The following TIMP2 variants were observed in gnomAD, a reference collection of about 807,000 sequenced individuals.
TIMP2 encodes metalloproteinase inhibitor 2.
In TIMP2, 5 loss-of-function variants were observed where a neutral mutation model predicts 24.3. That is an observed-to-expected ratio of 0.21 (90% confidence interval 0.11 to 0.43). The LOEUF (loss-of-function observed/expected upper bound fraction) is 0.43, where lower values mean the gene tolerates loss of function less well. TIMP2 is among the 20% of genes least tolerant of loss of function. TIMP2 has a pLI of 1.00. For missense variants in TIMP2, 221 were observed against 297.5 expected, an observed-to-expected ratio of 0.74 and a Z score of 1.89; for synonymous variants, 130 against 123.2, an observed-to-expected ratio of 1.06 and a Z score of -0.37.
At chr17:78,875,096 T>G (rs1168009251) in intron 1 of TIMP2, among the ~76,000 whole-genome samples, 1 of 152,140 alleles carries the variant, frequency 6.6e-6, no homozygotes, top group Non-Finnish European at 1.5e-5. Flanking sequence ...CAGGCTGTTC[T>G]CGAACTCCTG....
At chr17:78,912,833 AT>A (rs2070221152) in intron 1 of TIMP2, among the ~76,000 whole-genome samples, 7 of 152,190 alleles carry the variant, frequency 4.6e-5, no homozygotes, top group Admixed American at 3.3e-4. Flanking sequence ...GATCACCGCC[AT>A]TCAACTCTGT....
At chr17:78,907,225 G>C (rs2070167967) in intron 1 of TIMP2, among the ~76,000 whole-genome samples, 1 of 151,274 alleles carries the variant, frequency 6.6e-6, no homozygotes, top group African/African-American at 2.4e-5. Flanking sequence ...TGTGGAGATG[G>C]GGTCTTGTCG....
intron 1 of TIMP2, among the ~76,000 whole-genome samples, chr17:78,874,744 A>ATTT (rs36077675): frequency 0.18 from 24,161 of 137,944 alleles, 2,071 homozygotes; most frequent in East Asian, 0.28. Context: ...CGCCCGGTTA[A>ATTT]TTTTTTTTTT....
At position 78,891,809 on chromosome 17, in the gene TIMP2, T is replaced by C. The variant is rs1294315979; in HGVS notation, c.131-17890A>G. The C allele has an allele frequency of 1.3e-6, 2 of 1,550,970 alleles. No individual in the cohort carries two copies. Among genetic ancestry groups the C allele is most frequent in the East Asian group, 2.4e-5 (1 of 40,924 alleles). ...GATGGCACAGCGGCCACCCCCAGAC[T>C]TGGTCGAAGGTTCTGGCCTTCCCTT... On this transcript the variant is annotated intron_variant, in intron 1 of 4. Coordinates refer to ENST00000262768, the MANE Select transcript of TIMP2 (RefSeq NM_003255.5). This position sits in a 1 kb window ranked among gnomAD's most constrained non-coding sequence, Gnocchi z 4.5.
chr17:78,862,555 A>G lies in TIMP2; in HGVS notation c.341-4909T>C, dbSNP rs111759405. 5.0e-3 allele frequency among the ~76,000 whole-genome samples: 764 copies of G among 152,354 alleles called. 2 individuals carry two copies. Among genetic ancestry groups the G allele is most frequent in the African/African-American group, 0.018 (736 of 41,582 alleles). On this transcript the variant is annotated intron_variant, in intron 3 of 4. Transcript: ENST00000262768. ...CAGCTGGCCACTGGGCAGGTCTCAC[A>G]ATCTTTGTTGATTTTTAGAAACAGG...
intron 1 of TIMP2, among the ~76,000 whole-genome samples, chr17:78,908,645 C>A (rs546279978): frequency 6.6e-6 from 1 of 152,208 alleles, no homozygotes; most frequent in Non-Finnish European, 1.5e-5. Flanking sequence ...TCACCTCCCC[C>A]GCAGAGCCTT....
At chr17:78,910,011 T>C (rs1356381711) in intron 1 of TIMP2, among the ~76,000 whole-genome samples, 1 of 152,148 alleles carries the variant, frequency 6.6e-6, no homozygotes, top group Non-Finnish European at 1.5e-5. Context: ...TTATTTTTAA[T>C]GGACACATAA....
intron 1 of TIMP2, among the ~76,000 whole-genome samples, chr17:78,917,425 G>T (rs1346331968): frequency 6.6e-6 from 1 of 152,198 alleles, no homozygotes; most frequent in Non-Finnish European, 1.5e-5. Flanking sequence ...GCAAAACTCC[G>T]TCTCAGAAAA....
intron 2 of TIMP2, among the ~76,000 whole-genome samples, chr17:78,871,319 G>A (rs1472389962): frequency 6.6e-6 from 1 of 151,964 alleles, no homozygotes; most frequent in East Asian, 1.9e-4. Flanking sequence ...GAGCATGGTG[G>A]CAAGCGCCTG....
chr17:78,865,993 C>A (rs2069611733), intron 3 of TIMP2, among the ~76,000 whole-genome samples: 1 of 147,708 alleles, frequency 6.8e-6, no homozygotes, highest in South Asian at 2.2e-4. Context: ...AAAGGCTGTT[C>A]CCTGTGGATA....
intron 1 of TIMP2, among the ~76,000 whole-genome samples, chr17:78,917,248 T>C (rs1175271220): frequency 2.1e-5 from 1 of 47,642 alleles, no homozygotes; most frequent in Non-Finnish European, 4.0e-5. Flanking sequence ...CGAGACTCCG[T>C]CTCAAAAAAA....
rs540777602 is a variant in TIMP2 at position 78,891,530 on chromosome 17, G to A, written c.131-17611C>T. ...CTCCCGGAGCGTGCACTGAGATGCT[G>A]GGGACACGGCTTCCCTTCTGCAGCT... On this transcript the variant is annotated intron_variant, in intron 1 of 4. Transcript: ENST00000262768. The surrounding 1 kb of genome is among the most constrained non-coding windows in gnomAD (Gnocchi z 4.5). 1.6e-4 allele frequency: 250 copies of A among 1,551,050 alleles called. No individual in the cohort carries two copies. The African/African-American group carries it at 3.1e-3, about 19-fold the overall frequency.
At chr17:78,890,741 A>G in intron 1 of TIMP2, 3 of 1,550,684 alleles carry the variant, frequency 1.9e-6, no homozygotes, top group Non-Finnish European at 2.6e-6. Flanking sequence ...GTCTCGGATC[A>G]TCTGACTGTG....
intron 1 of TIMP2, among the ~76,000 whole-genome samples, chr17:78,915,772 G>A (rs1340891084): frequency 3.9e-5 from 6 of 151,906 alleles, no homozygotes; most frequent in South Asian, 2.1e-4. Context: ...CACATGCCTC[G>A]GCCTCCCCAA....
chr17:78,859,875 C>G (rs2069554328), intron 3 of TIMP2, among the ~76,000 whole-genome samples: 1 of 151,958 alleles, frequency 6.6e-6, no homozygotes, highest in South Asian at 2.1e-4. Context: ...ACCTGTAATC[C>G]CAGCTACTCG....
chr17:78,861,035 C>CGA (rs1555648108), intron 3 of TIMP2, among the ~76,000 whole-genome samples: 5 of 141,792 alleles, frequency 3.5e-5, no homozygotes, highest in African/African-American at 8.0e-5. Flanking sequence ...GACTCCGTCT[C>CGA]AAAAAAAAAA....
chr17:78,871,100 G>A, intron 2 of TIMP2, 94 bp from the exon 3 acceptor site: 2 of 998,872 alleles, frequency 2.0e-6, no homozygotes, highest in Non-Finnish European at 3.1e-6. Flanking sequence ...GGCACAACCT[G>A]TAGCTGGGGT....
intron 1 of TIMP2, among the ~76,000 whole-genome samples, chr17:78,888,407 G>A (rs1165972772): frequency 8.6e-5 from 13 of 151,892 alleles, no homozygotes; most frequent in Admixed American, 3.3e-4. Flanking sequence ...CAATCCGCCC[G>A]CCTTGGCCTC....
At chr17:78,909,185 A>G (rs1393907241) in intron 1 of TIMP2, among the ~76,000 whole-genome samples, 3 of 152,034 alleles carry the variant, frequency 2.0e-5, no homozygotes, top group Non-Finnish European at 2.9e-5. Context: ...TGGTTTCTAA[A>G]CACAAAAGTA....
Sources: gnomAD v4.1 joint callset for allele counts (sites outside exome capture counted in the v4.1 genomes callset) on GRCh38, gnomAD v4.1.1 for gene constraint, Gnocchi (gnomAD v3.1) non-coding constraint, MANE v1.5 for transcripts, NCBI Gene and HGNC (gene_info 2026-07-23, HGNC 2026-07-21) for gene names.